Variants in ZNF536 observed in about 807,000 individuals in gnomAD.
ZNF536 encodes zinc finger protein 536.
A neutral mutation model predicts 84.5 loss-of-function variants in ZNF536; 13 were observed. That is an observed-to-expected ratio of 0.15 (90% CI 0.10 to 0.24). ZNF536 has a LOEUF of 0.24. Ranked by LOEUF, ZNF536 falls within the 10% of genes least tolerant of loss-of-function variation. The pLI, the probability that ZNF536 is intolerant of heterozygous loss-of-function variation, is 1.00. For synonymous variants in ZNF536, 811 were observed against 742.5 expected (o/e 1.09, Z -1.50); for missense variants, 1,536 against 1,747.5 (o/e 0.88, Z 2.16).
chr19:30,521,124 C>T (rs922642343), intron 2 of ZNF536, among the ~76,000 whole-genome samples: 1 of 152,250 alleles, frequency 6.6e-6, no homozygotes, highest in Admixed American at 6.5e-5. Flanking sequence ...TTGCTCAGGA[C>T]CACAGAGCCA....
At chr19:30,685,872 G>C (rs1284009017) in intron 1 of ZNF536, among the ~76,000 whole-genome samples, 1 of 152,160 alleles carries the variant, frequency 6.6e-6, no homozygotes, top group Non-Finnish European at 1.5e-5. Context: ...AACGTCATTT[G>C]TTTTTCTTTG....
intron 2 of ZNF536, among the ~76,000 whole-genome samples, chr19:30,448,075 C>T (rs1357676955): frequency 6.6e-6 from 1 of 152,208 alleles, no homozygotes; most frequent in Non-Finnish European, 1.5e-5. Flanking sequence ...GAGAATTATA[C>T]TTGAGTTGTG....
chr19:30,614,942 A>ATTT lies in ZNF536; in HGVS notation c.169+65448_169+65450dup, dbSNP rs555419932. 9.0e-3 allele frequency among the ~76,000 whole-genome samples: 290 copies of ATTT among 32,304 alleles called. 68 individuals carry two copies. Among genetic ancestry groups the ATTT allele is most frequent in the Middle Eastern group, 0.071 (5 of 70 alleles). The allele number at this position is 32,304 out of a possible 152,430, so 21.2% of individuals were successfully genotyped here. ...TTTTCTTTTATTCTCCCCCTTTTCA[A>ATTT]TTTTTTTTTTTTTTTTTTTTTTGAG... On this transcript the variant is annotated intron_variant, in intron 1 of 1. Coordinates refer to the ZNF536 transcript ENST00000592773.
chr19:30,372,005 A>C (rs770991421), upstream of ZNF536, among the ~76,000 whole-genome samples: 2 of 152,194 alleles, frequency 1.3e-5, no homozygotes, highest in Non-Finnish European at 2.9e-5. Context: ...GGAGGAAATG[A>C]GACCTAAGAA....
chr19:30,430,304 A>G (rs1335805616), intron 1 of ZNF536, among the ~76,000 whole-genome samples: 1 of 152,090 alleles, frequency 6.6e-6, no homozygotes, highest in Non-Finnish European at 1.5e-5. Flanking sequence ...TTGATTATTT[A>G]TTTATTTGCT....
chr19:30,706,729 T>C (rs987555860), intron 1 of ZNF536, among the ~76,000 whole-genome samples: 1 of 152,112 alleles, frequency 6.6e-6, no homozygotes, highest in African/African-American at 2.4e-5. Flanking sequence ...TGTCATACGA[T>C]AGTGACATTC....
chr19:30,336,189 G>A (rs973350962), intron 2 of ZNF536, among the ~76,000 whole-genome samples: 3 of 152,192 alleles, frequency 2.0e-5, no homozygotes, highest in Non-Finnish European at 1.5e-5. Flanking sequence ...GCTTGATCAC[G>A]GGGGACTTGA....
upstream of ZNF536, among the ~76,000 whole-genome samples, chr19:30,225,666 TTAAGG>T (rs1424145540): frequency 7.1e-6 from 1 of 140,434 alleles, no homozygotes; most frequent in Non-Finnish European, 1.5e-5. Flanking sequence ...GTTTCAATGT[TTAAGG>T]TAAGGAAAAC....
chr19:30,510,943 C>T (rs924943317), intron 2 of ZNF536, among the ~76,000 whole-genome samples: 3 of 152,174 alleles, frequency 2.0e-5, no homozygotes, highest in Non-Finnish European at 4.4e-5. Flanking sequence ...CCGGGTCAGG[C>T]GTAGAGTGGG....
intron 1 of ZNF536, among the ~76,000 whole-genome samples, chr19:30,252,159 G>T (rs1397264107): frequency 6.6e-6 from 1 of 152,066 alleles, no homozygotes; most frequent in Non-Finnish European, 1.5e-5. Flanking sequence ...ATTCTCAAAA[G>T]AAGATATACA....
At chr19:30,604,036 G>A (rs57230044) in intron 1 of ZNF536, among the ~76,000 whole-genome samples, 2,871 of 152,234 alleles carry the variant, frequency 0.019, 100 homozygotes, top group African/African-American at 0.066. Context: ...GCTGCAGTGA[G>A]CCGAGATTGC....
intron 2 of ZNF536, among the ~76,000 whole-genome samples, chr19:30,468,077 G>A (rs2053489649): frequency 6.6e-6 from 1 of 152,230 alleles, no homozygotes; most frequent in Admixed American, 6.5e-5. Flanking sequence ...ATGTGTCACC[G>A]CCCACGACAA....
intron 1 of ZNF536, among the ~76,000 whole-genome samples, chr19:30,406,888 A>C (rs2050281465): frequency 6.6e-6 from 1 of 152,234 alleles, no homozygotes; most frequent in Non-Finnish European, 1.5e-5. Context: ...TAAACAGTGT[A>C]GAAAGAGATG....
intron 1 of ZNF536, among the ~76,000 whole-genome samples, chr19:30,572,908 C>G (rs774446668): frequency 2.1e-4 from 32 of 152,162 alleles, no homozygotes; most frequent in Non-Finnish European, 4.0e-4. Context: ...TTTTAATGGC[C>G]ATATACAACA....
At chr19:30,473,919 A>G (rs762500498) in intron 2 of ZNF536, among the ~76,000 whole-genome samples, 1 of 152,194 alleles carries the variant, frequency 6.6e-6, no homozygotes, top group Non-Finnish European at 1.5e-5. Context: ...CTTCAGCAAG[A>G]TACTTTCTGA....
chr19:30,700,176 TTTC>T (rs996335921), intron 1 of ZNF536, among the ~76,000 whole-genome samples: 2 of 139,654 alleles, frequency 1.4e-5, no homozygotes, highest in Admixed American at 7.1e-5. Flanking sequence ...TCTTTCCTTC[TTTC>T]TTTTCTTTCC....
chr19:30,275,838 TGA>T (rs1160770215), intron 1 of ZNF536, among the ~76,000 whole-genome samples: 2 of 104,472 alleles, frequency 1.9e-5, no homozygotes, highest in African/African-American at 7.2e-5. Context: ...TGTGTGTGTG[TGA>T]GTGTGTGTGT....
At chr19:30,673,670 G>A (rs912240972) in intron 1 of ZNF536, among the ~76,000 whole-genome samples, 9 of 152,126 alleles carry the variant, frequency 5.9e-5, no homozygotes, top group African/African-American at 1.4e-4. Context: ...CTGCTATCTC[G>A]TCACCTCTTC....
At chr19:30,391,166 AC>A (rs2049571850) in intron 1 of ZNF536, among the ~76,000 whole-genome samples, 3 of 152,332 alleles carry the variant, frequency 2.0e-5, no homozygotes, top group South Asian at 4.1e-4. Context: ...ACTCACTGCC[AC>A]TTTGTCCCTG....
Sources: gnomAD v4.1 joint callset for allele counts (sites outside exome capture counted in the v4.1 genomes callset) on GRCh38, gnomAD v4.1.1 for gene constraint, MANE v1.5 for transcripts, NCBI Gene and HGNC (gene_info 2026-07-23, HGNC 2026-07-21) for gene names.